CACNA2D1: variants seen among roughly 807,000 people sequenced by gnomAD.
CACNA2D1 encodes the protein voltage-dependent calcium channel subunit alpha-2/delta-1.
Under a neutral mutation model 171.5 loss-of-function variants are expected in CACNA2D1, and 53 were observed. That is an observed-to-expected ratio of 0.31 (90% CI 0.25 to 0.39). The LOEUF (loss-of-function observed/expected upper bound fraction) is 0.39. CACNA2D1 is among the 10% of genes least tolerant of loss of function. CACNA2D1 has a pLI of 1.00. For missense variants in CACNA2D1, 903 were observed against 1,299.8 expected, an observed-to-expected ratio of 0.69 and a Z score of 4.69; for synonymous variants, 442 against 443.1, an observed-to-expected ratio of 1.00 and a Z score of 0.03.
At chr7:82,110,145 G>T (rs996946330) in intron 6 of CACNA2D1, among the ~76,000 whole-genome samples, 5 of 152,134 alleles carry the variant, frequency 3.3e-5, no homozygotes, top group Admixed American at 3.3e-4. Context: ...AGATGGAAAA[G>T]ATTACAAAAT....
chr7:82,278,509 G>T (rs1809649114), intron 3 of CACNA2D1, among the ~76,000 whole-genome samples: 1 of 133,170 alleles, frequency 7.5e-6, no homozygotes, highest in South Asian at 2.4e-4. Flanking sequence ...AGTCAGCCAA[G>T]ATCATACCAC....
chr7:82,144,603 A>T (rs1468190204), intron 4 of CACNA2D1, among the ~76,000 whole-genome samples: 1 of 151,424 alleles, frequency 6.6e-6, no homozygotes, highest in Non-Finnish European at 1.5e-5. Context: ...AAAGAAGCCA[A>T]GTTCAATGTT....
At chr7:82,204,896 G>A (rs1212006609) in intron 3 of CACNA2D1, among the ~76,000 whole-genome samples, 2 of 152,164 alleles carry the variant, frequency 1.3e-5, no homozygotes, top group Non-Finnish European at 2.9e-5. Flanking sequence ...ATGACTCAGC[G>A]AGTTTGGAGC....
At chr7:82,203,239 C>T (rs1354591644) in intron 3 of CACNA2D1, among the ~76,000 whole-genome samples, 2 of 152,210 alleles carry the variant, frequency 1.3e-5, no homozygotes, top group Middle Eastern at 3.4e-3. Context: ...TAGACACCAG[C>T]ACGGATACAT....
At chr7:82,405,310 T>C (rs1355309152) in intron 1 of CACNA2D1, among the ~76,000 whole-genome samples, 2 of 152,172 alleles carry the variant, frequency 1.3e-5, no homozygotes, top group African/African-American at 4.8e-5. Flanking sequence ...TTAATAGCCT[T>C]AGAATGGTCT....
At chr7:82,108,309 GTAGCTATAAAGTA>G (rs1563059526) in intron 6 of CACNA2D1, among the ~76,000 whole-genome samples, 1 of 152,118 alleles carries the variant, frequency 6.6e-6, no homozygotes, top group Non-Finnish European at 1.5e-5. Flanking sequence ...CTCCAAAGAA[GTAGCTATAAAGTA>G]TAGCTACTTA....
intron 1 of CACNA2D1, among the ~76,000 whole-genome samples, chr7:82,428,656 A>T (rs576890022): frequency 6.6e-6 from 1 of 152,344 alleles, no homozygotes; most frequent in Admixed American, 6.5e-5. Flanking sequence ...CAATAAATTC[A>T]GTGGAATATA....
At chr7:81,953,563 A>AC (rs1196602999) in intron 38 of CACNA2D1, among the ~76,000 whole-genome samples, 2 of 152,074 alleles carry the variant, frequency 1.3e-5, no homozygotes, top group African/African-American at 4.8e-5. Flanking sequence ...AGATTAAAAA[A>AC]AAAACAAATA....
chr7:82,434,734 G>A (rs1324211965), intron 1 of CACNA2D1, among the ~76,000 whole-genome samples: 1 of 152,106 alleles, frequency 6.6e-6, no homozygotes, highest in Non-Finnish European at 1.5e-5. Flanking sequence ...GAAACAATCT[G>A]CACTTGTCTC....
chr7:82,076,335 T>TA (rs1159229276), intron 7 of CACNA2D1, among the ~76,000 whole-genome samples: 1 of 152,146 alleles, frequency 6.6e-6, no homozygotes, highest in East Asian at 1.9e-4. Context: ...TGCTTGAGCG[T>TA]AAACAGAGCT....
intron 1 of CACNA2D1, among the ~76,000 whole-genome samples, chr7:82,403,018 A>G (rs940847970): frequency 3.9e-5 from 6 of 152,176 alleles, no homozygotes; most frequent in African/African-American, 1.4e-4. Context: ...CCTGGTAGCC[A>G]ACTAAATTTG....
At chr7:81,953,953 T>G (rs1792907386) in intron 38 of CACNA2D1, among the ~76,000 whole-genome samples, 1 of 152,112 alleles carries the variant, frequency 6.6e-6, no homozygotes, top group Non-Finnish European at 1.5e-5. Flanking sequence ...TGGGAGGTGG[T>G]AGTTTAGATA....
At chr7:82,033,711 G>A (rs1230673409) in intron 11 of CACNA2D1, among the ~76,000 whole-genome samples, 1 of 152,006 alleles carries the variant, frequency 6.6e-6, no homozygotes, top group African/African-American at 2.4e-5. Context: ...TACACTTTAA[G>A]GTCTCCAAAA....
intron 1 of CACNA2D1, among the ~76,000 whole-genome samples, chr7:82,432,705 A>C (rs1407562680): frequency 6.6e-6 from 1 of 152,112 alleles, no homozygotes; most frequent in African/African-American, 2.4e-5. Context: ...TTCGACCAAA[A>C]CTTCTCCCTT....
At chr7:82,341,298 T>C (rs17156162) in intron 2 of CACNA2D1, among the ~76,000 whole-genome samples, 16,556 of 152,124 alleles carry the variant, frequency 0.11, 1,672 homozygotes, top group African/African-American at 0.26. Flanking sequence ...CCTCATCATC[T>C]AAGCTGGCCA....
chr7:82,178,961 A>C (rs1796830735), intron 3 of CACNA2D1, among the ~76,000 whole-genome samples: 1 of 152,132 alleles, frequency 6.6e-6, no homozygotes, highest in South Asian at 2.1e-4. Context: ...AAGCATTTTC[A>C]AGGTTGTATC....
chr7:82,054,895 A>G (rs1805616213), intron 10 of CACNA2D1, among the ~76,000 whole-genome samples: 1 of 152,214 alleles, frequency 6.6e-6, no homozygotes, highest in African/African-American at 2.4e-5. Flanking sequence ...GACAACAGTA[A>G]TCATAAAACT....
intron 34 of CACNA2D1, 69 bp downstream of exon 34, chr7:81,963,987 T>G (rs1177205588): frequency 7.6e-7 from 1 of 1,307,448 alleles, no homozygotes; most frequent in Non-Finnish European, 1.1e-6. Context: ...AATCCATATT[T>G]TCATCAGATG....
At position 82,388,112 on chromosome 7, in the gene CACNA2D1, A is replaced by G. The variant is rs538941422; in HGVS notation, c.96-38463T>C. Among the ~76,000 whole-genome samples the G allele has an allele frequency of 6.5e-4, 99 of 151,918 alleles. 2 individuals are homozygous for G. The highest frequency in any genetic ancestry group is 2.9e-3 in the South Asian group (14 of 4,808). Reference sequence around the variant, plus strand: ...AAACAAACAACAAAAAAAACAAACTACATCTGACCTAATCTCTTCAACTCC... The same window carrying G: ...AAACAAACAACAAAAAAAACAAACTGCATCTGACCTAATCTCTTCAACTCC... On this transcript the variant is annotated intron_variant, in intron 1 of 38. Coordinates refer to ENST00000356860, the MANE Select transcript of CACNA2D1 (RefSeq NM_000722.4).
Sources: gnomAD v4.1 joint callset for allele counts (sites outside exome capture counted in the v4.1 genomes callset) on GRCh38, gnomAD v4.1.1 for gene constraint, MANE v1.5 for transcripts, NCBI Gene and HGNC (gene_info 2026-07-23, HGNC 2026-07-21) for gene names.